Variants in MAN2A1 observed in about 807,000 individuals in gnomAD.
MAN2A1 encodes the protein alpha-mannosidase 2.
A neutral mutation model predicts 142.6 loss-of-function variants in MAN2A1; 76 were observed. The ratio of observed to expected loss-of-function variants is 0.53; its 90% CI spans 0.44 to 0.65. MAN2A1 has a LOEUF of 0.65. MAN2A1 is among the 30% of genes least tolerant of loss of function. MAN2A1 has a pLI of 0.00. For synonymous variants in MAN2A1, 559 were observed against 473.2 expected (o/e 1.18, Z -2.35); for missense variants, 1,311 against 1,365.1 (o/e 0.96, Z 0.62).
chr5:109,718,120 C>T (rs1456100388), intron 3 of MAN2A1, among the ~76,000 whole-genome samples: 2 of 152,118 alleles, frequency 1.3e-5, no homozygotes, highest in Non-Finnish European at 2.9e-5. Flanking sequence ...TCTCTTTCTG[C>T]CAATCATGTT....
At chr5:109,809,678 G>A (rs62378789) in intron 12 of MAN2A1, among the ~76,000 whole-genome samples, 1 of 151,998 alleles carries the variant, frequency 6.6e-6, no homozygotes, top group Non-Finnish European at 1.5e-5. Context: ...CTCAGATTTT[G>A]CCTTTTCATA....
intron 1 of MAN2A1, among the ~76,000 whole-genome samples, chr5:109,709,393 T>C (rs1371091026): frequency 6.6e-6 from 1 of 152,168 alleles, no homozygotes; most frequent in African/African-American, 2.4e-5. Flanking sequence ...AACAAAGCCT[T>C]GGAGCAGTTG....
intron 6 of MAN2A1, among the ~76,000 whole-genome samples, chr5:109,768,195 C>T (rs60951323): frequency 0.013 from 2,027 of 151,976 alleles, 48 homozygotes; most frequent in African/African-American, 0.044. Flanking sequence ...TCTGTGGCCA[C>T]GCAGGCATTC....
chr5:109,862,928 A>G (rs1329657686), intron 20 of MAN2A1: 4 of 152,182 alleles, frequency 2.6e-5, no homozygotes. Flanking sequence ...TTTTATCTCT[A>G]TTTTTGTATT....
chr5:109,795,325 G>A (rs1753832315), intron 12 of MAN2A1, among the ~76,000 whole-genome samples: 1 of 152,110 alleles, frequency 6.6e-6, no homozygotes, highest in Non-Finnish European at 1.5e-5. Context: ...CATCAGGAAT[G>A]ATGAGTATTA....
intron 5 of MAN2A1, among the ~76,000 whole-genome samples, chr5:109,756,673 T>G (rs566926367): frequency 1.1e-4 from 16 of 152,298 alleles, no homozygotes; most frequent in Non-Finnish European, 2.4e-4. Flanking sequence ...TCAGAACCAT[T>G]TGGAAGCATG....
At chr5:109,703,435 A>G (rs1419005882) in intron 1 of MAN2A1, among the ~76,000 whole-genome samples, 1 of 152,240 alleles carries the variant, frequency 6.6e-6, no homozygotes, top group Non-Finnish European at 1.5e-5. Context: ...TGTGTTAACA[A>G]CATGACCCTG....
intron 20 of MAN2A1, among the ~76,000 whole-genome samples, chr5:109,858,111 C>T (rs899061279): frequency 2.6e-5 from 4 of 152,134 alleles, no homozygotes; most frequent in Non-Finnish European, 5.9e-5. Context: ...AAAGATTTGA[C>T]CAAGAAGATT....
At chr5:109,846,119 T>C (rs1755339090) in intron 18 of MAN2A1, 113 bp downstream of exon 18, 1 of 940,128 alleles carries the variant, frequency 1.1e-6, no homozygotes, top group Non-Finnish European at 1.5e-6. Flanking sequence ...TGTCTTCTTT[T>C]CAGCTTTTTT....
At chr5:109,706,204 T>C (rs763025848) in intron 1 of MAN2A1, among the ~76,000 whole-genome samples, 2 of 152,234 alleles carry the variant, frequency 1.3e-5, no homozygotes, top group African/African-American at 4.8e-5. Context: ...AGAGAAGTTA[T>C]GTAACTTTGA....
intron 12 of MAN2A1, among the ~76,000 whole-genome samples, chr5:109,803,861 TAA>T (rs1427963772): frequency 2.6e-5 from 4 of 152,078 alleles, no homozygotes; most frequent in Non-Finnish European, 5.9e-5. Context: ...AATGTTAAAG[TAA>T]ACTAAATATC....
At chr5:109,857,882 G>T (rs1755663730) in intron 20 of MAN2A1, among the ~76,000 whole-genome samples, 1 of 152,110 alleles carries the variant, frequency 6.6e-6, no homozygotes, top group Non-Finnish European at 1.5e-5. Context: ...CTACCTGTGG[G>T]CTGAGTGACT....
chr5:109,690,284 C>G lies in MAN2A1; in HGVS notation c.-134C>G, dbSNP rs1750626235. 1 of 883,446 alleles carries G rather than the reference C, an allele frequency of 1.1e-6. No individual in the cohort carries two copies. The highest frequency in any genetic ancestry group is 1.7e-5 in the African/African-American group (1 of 60,532). 54.7% of individuals were successfully genotyped at this position (883,446 alleles called of 1,614,324 possible). ...CTAGGTGCGGAGCAAGGCGGGGACT[C>G]GCACCCGCATCCGAGAGCGCGGAGG... On this transcript the variant is annotated 5_prime_UTR_variant, in exon 1 of 22. Coordinates refer to ENST00000261483, the MANE Select transcript of MAN2A1 (RefSeq NM_002372.4).
intron 9 of MAN2A1, among the ~76,000 whole-genome samples, chr5:109,782,102 C>G (rs1029087654): frequency 9.9e-5 from 15 of 152,210 alleles, no homozygotes; most frequent in African/African-American, 3.6e-4. Flanking sequence ...TTCTTACATA[C>G]TTATTTGAAG....
intron 1 of MAN2A1, among the ~76,000 whole-genome samples, chr5:109,696,930 T>A (rs1324895208): frequency 6.6e-6 from 1 of 152,230 alleles, no homozygotes. Context: ...ACAAAAAATT[T>A]CAAGGATAGA....
intron 21 of MAN2A1, chr5:109,865,495 G>T: frequency 4.3e-6 from 1 of 233,924 alleles, no homozygotes; most frequent in Non-Finnish European, 8.5e-6. Flanking sequence ...GTTCAGCATT[G>T]GTAAACCTAA....
chr5:109,833,059 C>T (rs1754964025), intron 16 of MAN2A1, among the ~76,000 whole-genome samples: 1 of 151,314 alleles, frequency 6.6e-6, no homozygotes, highest in South Asian at 2.1e-4. Context: ...GCGCTCCCCA[C>T]ATCTCAGACG....
intron 10 of MAN2A1, among the ~76,000 whole-genome samples, chr5:109,787,547 T>G (rs1753625752): frequency 6.6e-6 from 1 of 152,026 alleles, no homozygotes; most frequent in African/African-American, 2.4e-5. Context: ...CTATACATCC[T>G]GAGAAAACAT....
chr5:109,797,438 T>A (rs1753893077), intron 12 of MAN2A1, among the ~76,000 whole-genome samples: 1 of 152,064 alleles, frequency 6.6e-6, no homozygotes, highest in Non-Finnish European at 1.5e-5. Context: ...CCATCTTCAC[T>A]AGTGATGCTG....
Sources: allele counts gnomAD v4.1 joint callset (sites outside exome capture counted in the v4.1 genomes callset), GRCh38; gene constraint gnomAD v4.1.1; transcripts MANE v1.5; gene names NCBI Gene and HGNC (gene_info 2026-07-23, HGNC 2026-07-21).